Variants in SORBS2 observed in about 807,000 individuals in gnomAD.
The protein encoded by SORBS2 is sorbin and SH3 domain-containing protein 2.
A neutral mutation model predicts 97.7 loss-of-function variants in SORBS2; 46 were observed. That is an observed-to-expected ratio of 0.47 (90% CI 0.37 to 0.60). SORBS2 has a LOEUF of 0.60. Among genes scored for constraint, SORBS2 ranks in the 20% least tolerant of loss-of-function variants. SORBS2 has a pLI of 0.00. For missense variants in SORBS2, 1,316 were observed against 1,282.3 expected, an observed-to-expected ratio of 1.03 and a Z score of -0.40; for synonymous variants, 476 against 473.4, an observed-to-expected ratio of 1.01 and a Z score of -0.07.
rs34929054 is a variant in SORBS2, at chr4:185,614,159, G to GTTTT, written c.2595+668_2595+671dup. 1.2e-3 allele frequency among the ~76,000 whole-genome samples: 109 copies of GTTTT among 91,610 alleles called. 1 individual carries two copies. The highest frequency in any genetic ancestry group is 4.0e-3 in the East Asian group (10 of 2,524). 60.1% of individuals were successfully genotyped at this position (91,610 alleles called of 152,430 possible). A position where few individuals can be genotyped will look rare whatever the true frequency, so the allele number is the denominator to read the frequency against. ...AAGAGGTTTTTGATTGTTTTTTTGT[G>GTTTT]TTTTTTTTTTTTTTTTTTTTTTTGA... On this transcript the variant is annotated intron_variant, in intron 11 of 14. Transcript: ENST00000418609.
intron 1 of SORBS2, among the ~76,000 whole-genome samples, chr4:185,850,935 G>A (rs1014239065): frequency 6.6e-6 from 1 of 152,114 alleles, no homozygotes; most frequent in African/African-American, 2.4e-5. Flanking sequence ...TCCCTCTCAG[G>A]TTGAATTGGG....
In SORBS2 at chr4:185,674,110, A is replaced by G. The variant is rs1425727136; in HGVS notation, c.-46+4313T>C. On this transcript the variant is annotated intron_variant, in intron 4 of 20. Coordinates refer to the SORBS2 transcript ENST00000284776. ...GACTAGCCAATGGCTGATACCTCCAACCAGGACCTTTCCCCTGAAGTACAG... is the reference window on the plus strand; with the variant it reads ...GACTAGCCAATGGCTGATACCTCCAGCCAGGACCTTTCCCCTGAAGTACAG... Among the ~76,000 whole-genome samples the G allele has an allele frequency of 1.3e-5, 2 of 152,102 alleles. 1 individual carries two copies. The highest frequency in any genetic ancestry group is 1.3e-4 in the Admixed American group (2 of 15,262).
At chr4:185,811,328 C>G (rs565575228) in intron 1 of SORBS2, among the ~76,000 whole-genome samples, 8 of 152,158 alleles carry the variant, frequency 5.3e-5, no homozygotes, top group Non-Finnish European at 1.0e-4. Context: ...GTGCAGGTCA[C>G]GAAAGAATCC....
chr4:185,614,249 G>A (rs1326327863), intron 11 of SORBS2, among the ~76,000 whole-genome samples: 1 of 133,898 alleles, frequency 7.5e-6, no homozygotes, highest in African/African-American at 2.9e-5. Flanking sequence ...GAGCCACCAT[G>A]CCCGGCCTCG....
At chr4:185,949,798 C>T (rs2150024095) in intron 1 of SORBS2, among the ~76,000 whole-genome samples, 1 of 152,210 alleles carries the variant, frequency 6.6e-6, no homozygotes, top group Non-Finnish European at 1.5e-5. Context: ...TATTTGGGAA[C>T]TATAACTGAC....
chr4:185,751,483 T>C lies in SORBS2; in HGVS notation c.-198+23744A>G, dbSNP rs144398488. ...AAAAGGAGCAAGAAACAGGTATCCT[T>C]AGGCAAAGGCAACCTCTGACCAAGC... On this transcript the variant is annotated intron_variant, in intron 2 of 20. Coordinates refer to the SORBS2 transcript ENST00000284776. 2.3e-3 allele frequency among the ~76,000 whole-genome samples: 351 copies of C among 152,208 alleles called. 3 individuals are homozygous for C. Among genetic ancestry groups the C allele is most frequent in the Non-Finnish European group, 2.4e-3 (162 of 68,010 alleles).
chr4:185,941,322 C>G (rs528956054), intron 1 of SORBS2, among the ~76,000 whole-genome samples: 29 of 152,234 alleles, frequency 1.9e-4, no homozygotes, highest in Middle Eastern at 6.8e-3. Context: ...TGTAGATGGT[C>G]TGGCTCTAAA....
intron 14 of SORBS2, chr4:185,588,248 C>T (rs887990222): frequency 1.3e-5 from 2 of 152,250 alleles, no homozygotes; most frequent in African/African-American, 4.8e-5. Flanking sequence ...ATCGAGTATA[C>T]AATTTTTCAA....
At chr4:185,842,983 G>T (rs112272925) in intron 1 of SORBS2, among the ~76,000 whole-genome samples, 3 of 151,392 alleles carry the variant, frequency 2.0e-5, no homozygotes, top group Non-Finnish European at 4.4e-5. Flanking sequence ...CAGGCAGCTG[G>T]CAGGCAATTA....
chr4:185,930,459 G>A lies in SORBS2; in HGVS notation c.-338+25737C>T, dbSNP rs983699363. On this transcript the variant is annotated intron_variant, in intron 1 of 20. Coordinates refer to the SORBS2 transcript ENST00000284776. ...ACAGGCGACCGCCACCACCACGCCC[G>A]GCTAATTTTTTGTATTTTTTAGTAC... 1.1e-4 allele frequency among the ~76,000 whole-genome samples: 17 copies of A among 152,022 alleles called. No individual in the cohort carries two copies. In the East Asian group the frequency reaches 2.1e-3, roughly 19 times the overall value.
chr4:185,892,045 G>A (rs2099242793), intron 1 of SORBS2, among the ~76,000 whole-genome samples: 1 of 152,120 alleles, frequency 6.6e-6, no homozygotes, highest in Admixed American at 6.5e-5. Flanking sequence ...ATCTTGGCCA[G>A]GATGGTCTCG....
intron 5 of SORBS2, 59 bp from the exon 18 acceptor site, chr4:185,627,078 G>T (rs2096827692): frequency 1.3e-6 from 2 of 1,507,476 alleles, no homozygotes; most frequent in Non-Finnish European, 1.8e-6. Context: ...GTGTGCACCA[G>T]AAAAACCGGT....
At chr4:185,794,648 C>T (rs1233820621) in intron 1 of SORBS2, among the ~76,000 whole-genome samples, 1 of 151,954 alleles carries the variant, frequency 6.6e-6, no homozygotes, top group East Asian at 1.9e-4. Flanking sequence ...ATGCTTTTAC[C>T]ATGACAAGGT....
At chr4:185,759,187 T>C (rs1360746622) in intron 2 of SORBS2, among the ~76,000 whole-genome samples, 1 of 152,204 alleles carries the variant, frequency 6.6e-6, no homozygotes, top group Non-Finnish European at 1.5e-5. Context: ...GCACATCCTA[T>C]AGTATGACAG....
chr4:185,900,776 A>T (rs28373523), intron 1 of SORBS2, among the ~76,000 whole-genome samples: 9,077 of 152,104 alleles, frequency 0.06, 353 homozygotes, highest in East Asian at 0.15. Context: ...AGGGAGGGAG[A>T]GGGAGACAGG....
At chr4:185,782,419 C>A (rs1348618566) in intron 1 of SORBS2, among the ~76,000 whole-genome samples, 1 of 152,240 alleles carries the variant, frequency 6.6e-6, no homozygotes, top group African/African-American at 2.4e-5. Flanking sequence ...TATTCCTAGA[C>A]CTTTTTCACA....
intron 1 of SORBS2, among the ~76,000 whole-genome samples, chr4:185,874,065 G>A (rs1267864066): frequency 6.6e-6 from 1 of 152,084 alleles, no homozygotes; most frequent in Non-Finnish European, 1.5e-5. Context: ...TTCTGAAGTA[G>A]TCTTAGACAT....
At chr4:185,893,522 A>G (rs2099243492) in intron 1 of SORBS2, among the ~76,000 whole-genome samples, 1 of 152,156 alleles carries the variant, frequency 6.6e-6, no homozygotes, top group Admixed American at 6.5e-5. Context: ...AGGTGAAGGG[A>G]ATTTTCTTCC....
At chr4:185,718,949 G>T (rs1021309528) in intron 2 of SORBS2, among the ~76,000 whole-genome samples, 2 of 152,200 alleles carry the variant, frequency 1.3e-5, no homozygotes, top group African/African-American at 4.8e-5. Flanking sequence ...GAAACTCAGA[G>T]TTATAAATTA....
Sources: gnomAD v4.1 joint callset for allele counts (sites outside exome capture counted in the v4.1 genomes callset) on GRCh38, gnomAD v4.1.1 for gene constraint, MANE v1.5 for transcripts, NCBI Gene and HGNC (gene_info 2026-07-23, HGNC 2026-07-21) for gene names.